Variants in MIX23 observed in about 807,000 individuals in gnomAD.
MIX23 encodes mitochondrial matrix import factor 23.
In MIX23, 13 loss-of-function variants were observed where a neutral mutation model predicts 21.6. The ratio of observed to expected loss-of-function variants is 0.60; its 90% CI spans 0.39 to 0.96. The LOEUF (loss-of-function observed/expected upper bound fraction) is 0.96. Among genes scored for constraint, MIX23 ranks in the 40% least tolerant of loss-of-function variants. The pLI is 0.00. For missense variants in MIX23, 144 were observed against 171.2 expected, an observed-to-expected ratio of 0.84 and a Z score of 0.89; for synonymous variants, 59 against 58.0, an observed-to-expected ratio of 1.02 and a Z score of -0.08.
At chr3:122,379,747 A>G (rs1455172756) in intron 1 of MIX23, among the ~76,000 whole-genome samples, 1 of 152,248 alleles carries the variant, frequency 6.6e-6, no homozygotes, top group African/African-American at 2.4e-5. Flanking sequence ...CATCTTGTGT[A>G]GAACCCTCAT....
At chr3:122,383,051 C>T (rs2075547812) in intron 1 of MIX23, 123 bp downstream of exon 1, 1 of 1,337,202 alleles carries the variant, frequency 7.5e-7, no homozygotes. Flanking sequence ...TCCAATGGCT[C>T]GAGAAAAGAG....
intron 4 of MIX23, among the ~76,000 whole-genome samples, chr3:122,362,541 G>A (rs6804347): frequency 0.13 from 19,018 of 151,704 alleles, 1,376 homozygotes; most frequent in East Asian, 0.32. Context: ...GAGTGCAATG[G>A]CTTGATCTCA....
chr3:122,374,903 T>A (rs2075471843), intron 1 of MIX23, among the ~76,000 whole-genome samples: 1 of 152,122 alleles, frequency 6.6e-6, no homozygotes, highest in Admixed American at 6.5e-5. Flanking sequence ...CAGATAGACA[T>A]CAAAAAAGGC....
At chr3:122,372,761 T>C (rs2075451918) in intron 1 of MIX23, among the ~76,000 whole-genome samples, 1 of 151,710 alleles carries the variant, frequency 6.6e-6, no homozygotes, top group Admixed American at 6.6e-5. Context: ...AACCCAGGAG[T>C]ACAAGGCTGC....
chr3:122,370,282 A>G (rs1409281725), intron 2 of MIX23, among the ~76,000 whole-genome samples: 1 of 151,914 alleles, frequency 6.6e-6, no homozygotes, highest in Non-Finnish European at 1.5e-5. Flanking sequence ...TGAAAACCCT[A>G]TCTCTACCAA....
chr3:122,369,511 C>T (rs1265251643), intron 2 of MIX23, among the ~76,000 whole-genome samples: 2 of 152,206 alleles, frequency 1.3e-5, no homozygotes, highest in African/African-American at 4.8e-5. Context: ...GGTATGGGCA[C>T]TCTGCTGCAG....
chr3:122,370,223 G>A lies in MIX23; in HGVS notation c.177+1452C>T, dbSNP rs556663140. ...TCCCAGCACTCTGGGAGGCCAAGGC[G>A]GGTGGATCACTTGAGGTCAGCAGTT... On this transcript the variant is annotated intron_variant, in intron 2 of 4. Transcript: ENST00000291458. Among the ~76,000 whole-genome samples the A allele has an allele frequency of 1.1e-4, 17 of 152,170 alleles. No homozygotes were observed. The South Asian group carries it at 1.2e-3, about 11-fold the overall frequency.
chr3:122,362,833 T>A, intron 4 of MIX23, 135 bp downstream of exon 4: 6 of 313,354 alleles, frequency 1.9e-5, no homozygotes, highest in Admixed American at 3.8e-5. Flanking sequence ...GTTACAATCC[T>A]CAATTGTAAA....
chr3:122,369,455 G>A (rs1283148369), intron 2 of MIX23, among the ~76,000 whole-genome samples: 1 of 152,180 alleles, frequency 6.6e-6, no homozygotes, highest in African/African-American at 2.4e-5. Flanking sequence ...ATAGAGTTCT[G>A]CTTCTTGACT....
chr3:122,367,182 G>A (rs894596577), intron 3 of MIX23, among the ~76,000 whole-genome samples: 1 of 151,798 alleles, frequency 6.6e-6, no homozygotes, highest in East Asian at 1.9e-4. Flanking sequence ...GAGAGAGGGA[G>A]GGTGAAGAGA....
At chr3:122,373,635 G>A (rs2075460312) in intron 1 of MIX23, among the ~76,000 whole-genome samples, 1 of 152,118 alleles carries the variant, frequency 6.6e-6, no homozygotes, top group Non-Finnish European at 1.5e-5. Flanking sequence ...AACTCATTTG[G>A]CCACTTTCTC....
chr3:122,361,701 T>C (rs147255938), intron 4 of MIX23, among the ~76,000 whole-genome samples: 48 of 152,260 alleles, frequency 3.2e-4, no homozygotes, highest in African/African-American at 1.1e-3. Context: ...CAAGAGTAAA[T>C]ATTATTTTTC....
chr3:122,376,588 C>T (rs867685468), intron 1 of MIX23, among the ~76,000 whole-genome samples: 2 of 152,192 alleles, frequency 1.3e-5, no homozygotes, highest in African/African-American at 4.8e-5. Context: ...CATTGCACTC[C>T]AGCCTGGGAA....
chr3:122,369,473 T>C (rs975339374), intron 2 of MIX23, among the ~76,000 whole-genome samples: 1 of 152,152 alleles, frequency 6.6e-6, no homozygotes, highest in Non-Finnish European at 1.5e-5. Flanking sequence ...ACTGACATAA[T>C]ACTTAAGGGA....
chr3:122,381,939 C>T (rs2075536211), intron 1 of MIX23, among the ~76,000 whole-genome samples: 4 of 152,110 alleles, frequency 2.6e-5, no homozygotes, highest in Non-Finnish European at 1.5e-5. Context: ...CTGATGGCAG[C>T]TTAATCTTGG....
At chr3:122,378,641 T>A (rs1228572858) in intron 1 of MIX23, among the ~76,000 whole-genome samples, 1 of 152,372 alleles carries the variant, frequency 6.6e-6, no homozygotes, top group East Asian at 1.9e-4. Flanking sequence ...GATACTTGTG[T>A]ATCTAAATAT....
chr3:122,377,719 G>A (rs1243719016), intron 1 of MIX23, among the ~76,000 whole-genome samples: 1 of 152,152 alleles, frequency 6.6e-6, no homozygotes, highest in Non-Finnish European at 1.5e-5. Context: ...ATGGTGGCAT[G>A]TGCCTACAGT....
At chr3:122,371,044 C>T (rs1303582232) in intron 2 of MIX23, among the ~76,000 whole-genome samples, 1 of 152,152 alleles carries the variant, frequency 6.6e-6, no homozygotes, top group Non-Finnish European at 1.5e-5. Context: ...TGAACTTTAG[C>T]TTCCAAATTA....
At position 122,368,248 on chromosome 3, in the gene MIX23, G is replaced by GT. The variant is rs2075411982; in HGVS notation, c.251dup (p.Asn84LysfsTer20). ...AATTCTTTTCTCTCTCTTCTCGGAG[G>GT]TTTTTTACTACTGCTGAAGTCTGGG... On this transcript the variant is annotated frameshift_variant, in exon 3 of 5. Coordinates refer to ENST00000291458, the MANE Select transcript of MIX23 (RefSeq NM_001017928.4). LOFTEE classifies it high-confidence loss of function. The GT allele has an allele frequency of 1.9e-6, 3 of 1,609,752 alleles. No individual in the cohort carries two copies. The highest frequency in any genetic ancestry group is 1.7e-5 in the Admixed American group (1 of 59,916).
Sources: gnomAD v4.1 joint callset for allele counts (sites outside exome capture counted in the v4.1 genomes callset) on GRCh38, gnomAD v4.1.1 for gene constraint, MANE v1.5 for transcripts, NCBI Gene and HGNC (gene_info 2026-07-23, HGNC 2026-07-21) for gene names.